MAP3K15: variants seen among roughly 807,000 people sequenced by gnomAD.
The protein encoded by MAP3K15 is MAPK/ERK kinase kinase 15.
In MAP3K15, 124 loss-of-function variants were observed where a neutral mutation model predicts 99.5. The observed-to-expected ratio is 1.25, with a 90% CI of 1.08 to 1.45. The LOEUF (loss-of-function observed/expected upper bound fraction) is 1.45. MAP3K15 is among the 40% of genes most tolerant of loss of function. The probability of loss-of-function intolerance (pLI) is 0.00; values close to 1 mark genes in which losing one functional copy is unlikely to be tolerated. For missense variants in MAP3K15, 1,242 were observed against 1,079.7 expected, an observed-to-expected ratio of 1.15 and a Z score of -2.11; for synonymous variants, 494 against 439.6, an observed-to-expected ratio of 1.12 and a Z score of -1.55.
At chrX:19,362,710 A>C in intron 26 of MAP3K15, 28 bp downstream of exon 26, 2 of 885,807 alleles carry the variant, frequency 2.3e-6, no homozygotes, top group Non-Finnish European at 3.3e-6. Flanking sequence ...CTAGATGTTA[A>C]AGTCTGTCTC....
At chrX:19,365,439 A>G (rs1240090759) in intron 25 of MAP3K15, among the ~76,000 whole-genome samples, 2 of 112,103 alleles carry the variant, frequency 1.8e-5, no homozygotes, top group Non-Finnish European at 3.8e-5. Flanking sequence ...GTTAAGCCTA[A>G]GCATAAAAAT....
intron 6 of MAP3K15, among the ~76,000 whole-genome samples, chrX:19,441,089 CAT>C (rs1353185469): frequency 8.9e-6 from 1 of 112,226 alleles, no homozygotes. Flanking sequence ...AGTCCTGACA[CAT>C]GATACCACAT....
chrX:19,429,957 C>G (rs1455375567), intron 7 of MAP3K15, among the ~76,000 whole-genome samples: 1 of 111,466 alleles, frequency 9.0e-6, no homozygotes, highest in Non-Finnish European at 1.9e-5. Context: ...TTGTCCCCAC[C>G]ACCCTGGCTC....
chrX:19,406,626 G>T (rs2063649696), intron 13 of MAP3K15, among the ~76,000 whole-genome samples: 1 of 112,310 alleles, frequency 8.9e-6, no homozygotes, highest in Non-Finnish European at 1.9e-5. Flanking sequence ...TTCTTGTGGG[G>T]GTGACGAAAA....
At chrX:19,437,770 G>A (rs1419941081) in intron 6 of MAP3K15, among the ~76,000 whole-genome samples, 1 of 111,634 alleles carries the variant, frequency 9.0e-6, no homozygotes, top group African/African-American at 3.3e-5. Context: ...AACTGGATCT[G>A]GCACAAAGTA....
At chrX:19,440,281 C>T (rs187696140) in intron 6 of MAP3K15, among the ~76,000 whole-genome samples, 364 of 111,964 alleles carry the variant, frequency 3.3e-3, no homozygotes, top group African/African-American at 0.011. Flanking sequence ...AACCAATTTC[C>T]TACATTAAGT....
At chrX:19,432,984 T>C (rs1232944428) in intron 6 of MAP3K15, among the ~76,000 whole-genome samples, 2 of 112,409 alleles carry the variant, frequency 1.8e-5, no homozygotes, top group Non-Finnish European at 3.8e-5. Flanking sequence ...AGTTCTGGGA[T>C]TACAGGCGTG....
intron 4 of MAP3K15, among the ~76,000 whole-genome samples, chrX:19,460,921 T>C (rs2064128964): frequency 9.2e-6 from 1 of 108,668 alleles, no homozygotes; most frequent in Non-Finnish European, 1.9e-5. Context: ...ACTATAGGCA[T>C]GTGCCACTAC....
chrX:19,432,270 T>C (rs1025335389), intron 6 of MAP3K15, among the ~76,000 whole-genome samples: 10 of 110,827 alleles, frequency 9.0e-5, no homozygotes, highest in African/African-American at 3.3e-4. Context: ...AAATCCACTA[T>C]AAAACATATG....
intron 3 of MAP3K15, among the ~76,000 whole-genome samples, chrX:19,480,227 G>A (rs996624361): frequency 4.5e-5 from 5 of 111,649 alleles, no homozygotes; most frequent in African/African-American, 1.6e-4. Flanking sequence ...CTACAGATAC[G>A]ATGCAATCCT....
At chrX:19,391,871 G>A (rs994468749) in intron 18 of MAP3K15, 131 bp downstream of exon 18, 2 of 444,912 alleles carry the variant, frequency 4.5e-6, no homozygotes, top group East Asian at 3.9e-5. Context: ...ACAATCCACT[G>A]TCTACTTCAA....
At chrX:19,377,139 T>G (rs764655049) in intron 19 of MAP3K15, among the ~76,000 whole-genome samples, 3 of 112,331 alleles carry the variant, frequency 2.7e-5, no homozygotes, top group Non-Finnish European at 5.6e-5. Flanking sequence ...CTTGAAAGTT[T>G]TCTAAAGGAA....
At chrX:19,404,137 A>G (rs1239415365) in intron 13 of MAP3K15, among the ~76,000 whole-genome samples, 3 of 111,968 alleles carry the variant, frequency 2.7e-5, no homozygotes, top group East Asian at 5.6e-4. Context: ...AATAAAACCC[A>G]TTAGAGCTAA....
chrX:19,403,337 T>C lies in MAP3K15; in HGVS notation c.1845-2674A>G, dbSNP rs940544875. 3.6e-5 allele frequency among the ~76,000 whole-genome samples: 4 copies of C among 111,740 alleles called. No homozygotes were observed. In the South Asian group the frequency reaches 1.5e-3, roughly 42 times the overall value. The stretch of plus-strand genomic sequence containing the variant: ...AGTAGTAAAAGGATGTTCTGCTTAA[T>C]ATTAGGTTTTTAATGGCAAAAACTG... On this transcript the variant is annotated intron_variant, in intron 13 of 28. Transcript: ENST00000338883.
chrX:19,415,479 C>A (rs187425576), intron 9 of MAP3K15, among the ~76,000 whole-genome samples: 206 of 112,069 alleles, frequency 1.8e-3, no homozygotes, highest in African/African-American at 6.4e-3. Flanking sequence ...TGGCTTTTTA[C>A]CAACATTGTG....
intron 25 of MAP3K15, among the ~76,000 whole-genome samples, chrX:19,364,212 C>T (rs1007412220): frequency 8.9e-6 from 1 of 112,067 alleles, no homozygotes; most frequent in Admixed American, 9.4e-5. Context: ...AGGCTGGGCT[C>T]TTCCCAAGGG....
chrX:19,443,364 C>T (rs2063973728), intron 6 of MAP3K15, among the ~76,000 whole-genome samples: 1 of 111,616 alleles, frequency 9.0e-6, no homozygotes, highest in Non-Finnish European at 1.9e-5. Flanking sequence ...AGTGCCTACT[C>T]TGTGGGTGGC....
chrX:19,490,609 T>G (rs1460451688), intron 1 of MAP3K15, among the ~76,000 whole-genome samples: 1 of 108,939 alleles, frequency 9.2e-6, no homozygotes, highest in African/African-American at 3.3e-5. Flanking sequence ...ATTAGCCGGG[T>G]GTGGTGGTGC....
chrX:19,490,722 C>A (rs752488766), intron 1 of MAP3K15, among the ~76,000 whole-genome samples: 18 of 106,371 alleles, frequency 1.7e-4, no homozygotes, highest in Non-Finnish European at 3.1e-4. Context: ...GCTCTCCAGC[C>A]TAAGTGACAG....
Sources: allele counts gnomAD v4.1 joint callset (sites outside exome capture counted in the v4.1 genomes callset), GRCh38; gene constraint gnomAD v4.1.1; transcripts MANE v1.5; gene names NCBI Gene and HGNC (gene_info 2026-07-23, HGNC 2026-07-21).